DCLRE1B: variants seen among roughly 807,000 people sequenced by gnomAD.
DCLRE1B encodes DNA cross-link repair 1B, also known as 5' exonuclease Apollo.
Under a neutral mutation model 19.8 loss-of-function variants are expected in DCLRE1B, and 6 were observed. The observed-to-expected ratio is 0.30, with a 90% CI of 0.17 to 0.60. DCLRE1B has a LOEUF of 0.60. Ranked by LOEUF, DCLRE1B falls within the 20% of genes least tolerant of loss-of-function variation. DCLRE1B has a pLI of 0.87. For synonymous variants in DCLRE1B, 258 were observed against 255.7 expected (o/e 1.01, Z -0.09); for missense variants, 622 against 654.2 (o/e 0.95, Z 0.54).
Position 113,912,047 on chromosome 1 carries a change from C to CA in DCLRE1B, c.1456dup (p.Ser486LysfsTer11), listed in dbSNP as rs779442399. ...TGGGCCATGGTTCTCCCCTGTCCCACAGCAGCAAGGGCACCCCTCTTCTAG... is the reference window on the plus strand; with the variant it reads ...TGGGCCATGGTTCTCCCCTGTCCCACAAGCAGCAAGGGCACCCCTCTTCTAG... On this transcript the variant is annotated frameshift_variant, in exon 4 of 4. Coordinates refer to ENST00000650450, the MANE Select transcript of DCLRE1B (RefSeq NM_022836.4). LOFTEE classifies it high-confidence loss of function. 1.2e-6 allele frequency: 2 copies of CA among 1,614,252 alleles called. No homozygotes were observed. Among genetic ancestry groups the CA allele is most frequent in the Non-Finnish European group, 1.7e-6 (2 of 1,180,046 alleles).
At chr1:113,906,117 C>G (rs1668939735) in intron 1 of DCLRE1B, among the ~76,000 whole-genome samples, 1 of 130,504 alleles carries the variant, frequency 7.7e-6, no homozygotes, top group Non-Finnish European at 1.5e-5. Context: ...AGTGCAGTGG[C>G]GCAATCTCGG....
chr1:113,905,207 T>C (rs776451149), upstream of DCLRE1B: 2 of 329,676 alleles, frequency 6.1e-6, no homozygotes, highest in Non-Finnish European at 1.1e-5. Flanking sequence ...ACTCCGACCT[T>C]AGGATGCCCT....
At chr1:113,905,801 G>C in intron 1 of DCLRE1B, 26 bp downstream of exon 1, 1 of 1,593,808 alleles carries the variant, frequency 6.3e-7, no homozygotes, top group Non-Finnish European at 8.6e-7. Context: ...CGGTCTCCGA[G>C]AGCTGGTCCA....
At chr1:113,907,201 GATGTTTT>G in intron 2 of DCLRE1B, 40 bp downstream of exon 2, 7 of 245,250 alleles carry the variant, frequency 2.9e-5, no homozygotes, top group African/African-American at 1.1e-4. Flanking sequence ...CTCCAGACTA[GATGTTTT>G]TTTTTTTTTT....
rs753637721 is a variant in DCLRE1B at position 113,908,102 on chromosome 1, A to G, written c.449A>G (p.Asn150Ser). The G allele has an allele frequency of 1.2e-6, 2 of 1,614,168 alleles. No individual in the cohort carries two copies. Among genetic ancestry groups the G allele is most frequent in the East Asian group, 4.5e-5 (2 of 44,890 alleles). ...HTLYLDNTNC[N>S]PALVLPSRQE... ...TTATACCTAGACAACACCAATTGCA[A>G]TCCAGCCCTGGTTCTTCCTTCCCGA... Residue 150 changes from asparagine to serine, a missense_variant, in exon 3 of 4, where the codon AAT (asparagine) becomes AGT (serine). Physicochemically the swap from Asn to Ser is conservative, Grantham distance 46 (BLOSUM62 1). This residue lies in a region of DCLRE1B where 237 missense variants were observed against 223.8 expected (regional missense o/e 1.06). Coordinates refer to ENST00000650450, the MANE Select transcript of DCLRE1B (RefSeq NM_022836.4).
Position 113,911,191 on chromosome 1 carries a change from G to A in DCLRE1B, c.599G>A (p.Trp200Ter), listed in dbSNP as rs1669236563. 1 of 1,614,186 alleles carries A rather than the reference G, an allele frequency of 6.2e-7. No homozygotes were observed. Among genetic ancestry groups the A allele is most frequent in the Non-Finnish European group, 8.5e-7 (1 of 1,180,042 alleles). The change falls in exon 4 of 4, where the codon TGG (tryptophan) becomes TAG (stop). Residue 200 changes from tryptophan (W) to a stop codon, truncating the protein, a stop_gained. Transcript: ENST00000650450. LOFTEE classifies it low-confidence loss of function (END_TRUNC). ...CAGCTGGCCCTGGAGTTTCAGACCT[G>A]GGTGGTATTGAGTCCTCGGCGCCTG... is the stretch of plus-strand genomic sequence containing the variant. Reference protein sequence around the residue: ...LEQLALEFQTWVVLSPRRLEL... With the variant: ...LEQLALEFQT
chr1:113,905,078 C>G, upstream of DCLRE1B: 1 of 376,932 alleles, frequency 2.7e-6, no homozygotes, highest in South Asian at 2.2e-5. Flanking sequence ...CCCCTCCACG[C>G]CGTTCTCATC....
At chr1:113,908,779 C>G (rs1192284745) in intron 3 of DCLRE1B, among the ~76,000 whole-genome samples, 1 of 151,230 alleles carries the variant, frequency 6.6e-6, no homozygotes, top group Non-Finnish European at 1.5e-5. Context: ...TCATGCACTT[C>G]CTCTGGCCCA....
chr1:113,909,545 A>G (rs1019691081), intron 3 of DCLRE1B, among the ~76,000 whole-genome samples: 6 of 152,250 alleles, frequency 3.9e-5, no homozygotes, highest in Non-Finnish European at 8.8e-5. Context: ...AAAAAATTAT[A>G]TAACTTCCAG....
intron 1 of DCLRE1B, among the ~76,000 whole-genome samples, chr1:113,906,565 A>C (rs1571604353): frequency 6.7e-6 from 1 of 148,252 alleles, no homozygotes; most frequent in South Asian, 2.1e-4. Context: ...AACTCGGCTC[A>C]CTGCAAGCTC....
intron 3 of DCLRE1B, among the ~76,000 whole-genome samples, chr1:113,909,924 G>T (rs1246274762): frequency 2.6e-5 from 4 of 152,168 alleles, no homozygotes; most frequent in East Asian, 3.8e-4. Context: ...CAGGAATAAA[G>T]TGGATATAAA....
In DCLRE1B at chr1:113,912,767, A is replaced by C. The variant is rs1036115102; in HGVS notation, c.*576A>C. 3 of 152,424 alleles carry C rather than the reference A, an allele frequency of 2.0e-5. No homozygotes were observed. The highest frequency in any genetic ancestry group is 7.2e-5 in the African/African-American group (3 of 41,410). The allele number at this position is 152,424 out of a possible 1,614,324, so 9.4% of individuals were successfully genotyped here. On this transcript the variant is annotated 3_prime_UTR_variant, in exon 4 of 4. Transcript: ENST00000650450. ...TAATTTTCCTGTCTCTGCCTCTGGGAGGGAACAGGAAGCGATGAAGAGGTC... is the reference window on the plus strand; with the variant it reads ...TAATTTTCCTGTCTCTGCCTCTGGGCGGGAACAGGAAGCGATGAAGAGGTC...
intron 2 of DCLRE1B, 60 bp downstream of exon 2, chr1:113,907,221 T>TTTTTTTTTG: frequency 7.6e-7 from 1 of 1,323,026 alleles, no homozygotes; most frequent in South Asian, 1.6e-5. Context: ...TTTTTTTTTT[T>TTTTTTTTTG]TTTTTTTTTT....
rs1420235459 is a variant in DCLRE1B at position 113,905,485 on chromosome 1, C to A, written c.-102C>A. ...TTCCCTTAGGGTCTCTGGCCCTGTT[C>A]TTGCCCCAGCATGACTTTTATCGGG... On this transcript the variant is annotated 5_prime_UTR_variant, in exon 1 of 4. Transcript: ENST00000650450. 2 of 1,235,538 alleles carry A rather than the reference C, an allele frequency of 1.6e-6. No homozygotes were observed. The highest frequency in any genetic ancestry group is 2.3e-6 in the Non-Finnish European group (2 of 861,918). The allele number at this position is 1,235,538 out of a possible 1,614,324, so 76.5% of individuals were successfully genotyped here.
In DCLRE1B at chr1:113,908,802, T is replaced by TAC. The variant is rs1558108185; in HGVS notation, c.538+611_538+612insAC. Among the ~76,000 whole-genome samples, 73 of 145,676 alleles carry TAC rather than the reference T, an allele frequency of 5.0e-4. 1 individual carries two copies. In the East Asian group the frequency reaches 8.3e-3, roughly 17 times the overall value. On this transcript the variant is annotated intron_variant, in intron 3 of 3. Transcript: ENST00000650450. ...TTCCTCTGGCCCATGCACATACGCG[T>TAC]GCACACACACACACACACAAGCATA...
Position 113,911,859 on chromosome 1 carries a change from A to AC in DCLRE1B, c.1268dup (p.Met424TyrfsTer17). 1.2e-6 allele frequency: 2 copies of AC among 1,614,250 alleles called. No homozygotes were observed. Among genetic ancestry groups the AC allele is most frequent in the Non-Finnish European group, 1.7e-6 (2 of 1,180,048 alleles). Reference sequence around the variant, plus strand: ...TTTCTGTGAGTCTCAAAAGAGGGTGACTATGTTGACGGCCCCACTGGGATT... The same window carrying AC: ...TTTCTGTGAGTCTCAAAAGAGGGTGACCTATGTTGACGGCCCCACTGGGATT... On this transcript the variant is annotated frameshift_variant, in exon 4 of 4. Transcript: ENST00000650450. LOFTEE classifies it low-confidence loss of function (END_TRUNC).
At position 113,907,168 on chromosome 1, in the gene DCLRE1B, CTCTCAAGGAA is replaced by C. The variant is rs1669052556; in HGVS notation, c.355+10_355+19del. The C allele has an allele frequency of 2.0e-6, 3 of 1,506,670 alleles. No homozygotes were observed. Among genetic ancestry groups the C allele is most frequent in the Non-Finnish European group, 2.7e-6 (3 of 1,105,964 alleles). The allele number at this position is 1,506,670 out of a possible 1,614,324, so 93.3% of individuals were successfully genotyped here. A position where few individuals can be genotyped will look rare whatever the true frequency, so the allele number is the denominator to read the frequency against. On this transcript the variant is annotated splice_region_variant and intron_variant, in intron 2 of 3. Transcript: ENST00000650450. ...GGAACCATCCTCTACACAGGTGGGC[CTCTCAAGGAA>C]TCCCAGTGACTTCTCCAGACTAGAT... is the stretch of plus-strand genomic sequence containing the variant.
In DCLRE1B at chr1:113,912,254, TG is replaced by T; in HGVS notation, c.*65del. 6.7e-7 allele frequency: 1 copy of T among 1,481,878 alleles called. No homozygotes were observed. The highest frequency in any genetic ancestry group is 9.0e-7 in the Non-Finnish European group (1 of 1,107,636). 91.8% of individuals were successfully genotyped at this position (1,481,878 alleles called of 1,614,324 possible). On this transcript the variant is annotated 3_prime_UTR_variant, in exon 4 of 4. Coordinates refer to ENST00000650450, the MANE Select transcript of DCLRE1B (RefSeq NM_022836.4). ...CTGCAGTTTTGAAGATAGTAACTGA[TG>T]GCTGGTGGGAAAGAGTTTGTTTTTG...
intron 1 of DCLRE1B, among the ~76,000 whole-genome samples, chr1:113,906,645 C>G (rs919363630): frequency 6.6e-6 from 1 of 152,118 alleles, no homozygotes; most frequent in Non-Finnish European, 1.5e-5. Flanking sequence ...CGCCCGCCAC[C>G]ACGCCTGGCT....
Sources: gnomAD v4.1 joint callset for allele counts (sites outside exome capture counted in the v4.1 genomes callset) on GRCh38, gnomAD v4.1.1 for gene constraint, gnomAD v4.1.1 regional missense constraint, MANE v1.5 for transcripts, NCBI Gene and HGNC (gene_info 2026-07-23, HGNC 2026-07-21) for gene names.